SYNE1: variants seen among roughly 807,000 people sequenced by gnomAD.
SYNE1 encodes the protein spectrin repeat containing nuclear envelope protein 1.
SYNE1 carries 616 observed loss-of-function variants against 1,111.0 expected under a neutral mutation model. The observed-to-expected ratio is 0.55, with a 90% CI of 0.52 to 0.59. SYNE1 has a LOEUF of 0.59. Ranked by LOEUF, SYNE1 falls within the 20% of genes least tolerant of loss-of-function variation. The pLI, the probability that SYNE1 is intolerant of heterozygous loss-of-function variation, is 0.00. For missense variants in SYNE1, 10,006 were observed against 10,417.0 expected, an observed-to-expected ratio of 0.96 and a Z score of 1.72; for synonymous variants, 3,855 against 3,825.8, an observed-to-expected ratio of 1.01 and a Z score of -0.28.
chr6:152,296,551 C>T (rs1562866971), intron 93 of SYNE1, among the ~76,000 whole-genome samples: 1 of 152,202 alleles, frequency 6.6e-6, no homozygotes, highest in Admixed American at 6.5e-5. Context: ...GGAGTGCTAA[C>T]GATGCATATC....
intron 93 of SYNE1, among the ~76,000 whole-genome samples, chr6:152,297,267 G>GA (rs1172848235): frequency 1.3e-5 from 2 of 152,128 alleles, no homozygotes; most frequent in African/African-American, 4.8e-5. Flanking sequence ...TCTTCTGCCT[G>GA]AAAATCTTCA....
chr6:152,308,243 A>C (rs1400668670), intron 91 of SYNE1, among the ~76,000 whole-genome samples: 1 of 152,194 alleles, frequency 6.6e-6, no homozygotes, highest in East Asian at 1.9e-4. Context: ...GATGATAATC[A>C]GTGGGTCCCA....
At chr6:152,493,722 A>G (rs1429333777) in intron 11 of SYNE1, among the ~76,000 whole-genome samples, 2 of 152,024 alleles carry the variant, frequency 1.3e-5, no homozygotes, top group Non-Finnish European at 2.9e-5. Flanking sequence ...TCTTCATAAA[A>G]GCACATATGC....
rs764590049 is a variant in SYNE1, at chr6:152,416,873, T to G, written c.5564A>C (p.Glu1855Ala). 2 of 1,613,892 alleles carry G rather than the reference T, an allele frequency of 1.2e-6. No homozygotes were observed. Among genetic ancestry groups the G allele is most frequent in the Non-Finnish European group, 1.7e-6 (2 of 1,179,818 alleles). The change falls in exon 41 of 146, where the codon GAG becomes GCG. Residue 1855 changes from glutamate (E) to alanine (A), a missense_variant. Around this residue, in one of 7 missense-constraint regions of SYNE1, gnomAD observed 4,955 missense variants for 5,017.2 expected, o/e 0.99. Transcript: ENST00000367255. ...KAEDCFQLFEEASQVVERRQL... is the reference protein window; with the variant it reads ...KAEDCFQLFEAASQVVERRQL... ...CCGCCTCTCCACAACCTGGCTGGCCTCCTCAAACAGCTGGAAGCAGTCCTC... is the reference window on the plus strand; with the variant it reads ...CCGCCTCTCCACAACCTGGCTGGCCGCCTCAAACAGCTGGAAGCAGTCCTC...
rs1565299969 is a variant in SYNE1 at position 152,629,543 on chromosome 6, GA to G, written c.-223-990del. ...TTGCCGGGGGGGGGGGGGGGAGGGGGAGGGGAGGAGGGGGTGCAGTGGGCTT... is the reference window on the plus strand; with the variant it reads ...TTGCCGGGGGGGGGGGGGGGAGGGGGGGGGAGGAGGGGGTGCAGTGGGCTT... On this transcript the variant is annotated intron_variant, in intron 2 of 145. Transcript: ENST00000367255. Among the ~76,000 whole-genome samples, 826 of 100,950 alleles carry G rather than the reference GA, an allele frequency of 8.2e-3. 5 individuals carry two copies. Among genetic ancestry groups the G allele is most frequent in the Non-Finnish European group, 0.011 (549 of 47,894 alleles). The allele number at this position is 100,950 out of a possible 152,430, so 66.2% of individuals were successfully genotyped here. A position where few individuals can be genotyped will look rare whatever the true frequency, so the allele number is the denominator to read the frequency against.
intron 44 of SYNE1, among the ~76,000 whole-genome samples, chr6:152,407,919 G>T (rs931593685): frequency 4.6e-5 from 7 of 151,828 alleles, no homozygotes; most frequent in African/African-American, 1.7e-4. Flanking sequence ...TCGCCACCAC[G>T]CCCGGCTAAT....
chr6:152,564,203 T>A (rs561612258), intron 3 of SYNE1, among the ~76,000 whole-genome samples: 1 of 152,286 alleles, frequency 6.6e-6, no homozygotes, highest in Admixed American at 6.5e-5. Context: ...AAAACACGAA[T>A]CAGTTGTAGC....
At chr6:152,174,996 C>G (rs1393202715) in intron 130 of SYNE1, among the ~76,000 whole-genome samples, 1 of 152,188 alleles carries the variant, frequency 6.6e-6, no homozygotes, top group Non-Finnish European at 1.5e-5. Context: ...GAGTTTGAGA[C>G]TAGCCTGGCA....
chr6:152,553,563 G>T (rs1381646625), intron 3 of SYNE1, among the ~76,000 whole-genome samples: 1 of 151,980 alleles, frequency 6.6e-6, no homozygotes, highest in Non-Finnish European at 1.5e-5. Context: ...TCCTATCCAC[G>T]GACATCTTGA....
intron 98 of SYNE1, among the ~76,000 whole-genome samples, chr6:152,276,025 G>C (rs1200418968): frequency 7.2e-6 from 1 of 139,792 alleles, no homozygotes; most frequent in African/African-American, 2.7e-5. Flanking sequence ...ATAAATTCTC[G>C]ACTTCTTTTT....
At position 152,236,871 on chromosome 6, in the gene SYNE1, C is replaced by T. The variant is rs762729868; in HGVS notation, c.20145G>A (p.Val6715=). 1.2e-6 allele frequency: 2 copies of T among 1,614,202 alleles called. No homozygotes were observed. Among genetic ancestry groups the T allele is most frequent in the Non-Finnish European group, 1.7e-6 (2 of 1,180,030 alleles). The change falls in exon 109 of 146, where the codon GTG becomes GTA. Residue 6715 remains valine, a synonymous_variant. Coordinates refer to ENST00000367255, the MANE Select transcript of SYNE1 (RefSeq NM_182961.4). The part of the protein sequence containing the change: ...LEVVESSIPS[V]GLVEENEDRL... Reference sequence around the variant, plus strand: ...TGTCCTCGTTCTCCTCCACCAGACCCACGCTTGGGATGCTGCTTTCCACCA... The same window carrying T: ...TGTCCTCGTTCTCCTCCACCAGACCTACGCTTGGGATGCTGCTTTCCACCA...
Position 152,407,099 on chromosome 6 carries a change from G to A in SYNE1, c.6638C>T (p.Ser2213Leu), listed in dbSNP as rs1423079644. 1 of 1,613,852 alleles carries A rather than the reference G, an allele frequency of 6.2e-7. No individual in the cohort carries two copies. The highest frequency in any genetic ancestry group is 1.3e-5 in the African/African-American group (1 of 74,880). Residue 2213 changes from serine to leucine, a missense_variant, in exon 45 of 146, where the codon TCA (serine) becomes TTA (leucine). Ser to Leu is a moderately radical substitution (Grantham distance 145). Transcript: ENST00000367255. ...LSTRDEIEGW[S>L]NNCVPQMAEN... ...TGCCATCTGTGGAACGCAGTTGTTT[G>A]ACCATCCCTCAATCTCATCTCTAGT...
intron 102 of SYNE1, 76 bp from the exon 103 acceptor site, chr6:152,255,822 G>A (rs1046580490): frequency 1.2e-5 from 18 of 1,515,490 alleles, no homozygotes; most frequent in East Asian, 4.5e-5. Flanking sequence ...GGATGGGGCC[G>A]GTGCAGTGCT....
Position 152,384,472 on chromosome 6 carries a change from G to C in SYNE1, c.8652+1202C>G, listed in dbSNP as rs561357715. ...AAATGTATCAAAGAAGAATTTTAAA[G>C]AATAACACACAAAAAAAGGACTTAA... On this transcript the variant is annotated intron_variant, in intron 55 of 145. Coordinates refer to ENST00000367255, the MANE Select transcript of SYNE1 (RefSeq NM_182961.4). Among the ~76,000 whole-genome samples the C allele has an allele frequency of 2.6e-5, 4 of 152,172 alleles. No individual in the cohort carries two copies. The East Asian group carries it at 7.7e-4, about 29-fold the overall frequency.
At chr6:152,137,509 G>T (rs1033109469) in intron 140 of SYNE1, among the ~76,000 whole-genome samples, 2 of 152,184 alleles carry the variant, frequency 1.3e-5, no homozygotes, top group African/African-American at 4.8e-5. Context: ...AACCAGTTAG[G>T]TTTGATTTCA....
chr6:152,135,037 A>G, intron 142 of SYNE1, 67 bp downstream of exon 142: 3 of 1,609,560 alleles, frequency 1.9e-6, no homozygotes, highest in Non-Finnish European at 2.6e-6. Flanking sequence ...ACTTATATTC[A>G]TTTTCTGTAA....
intron 40 of SYNE1, among the ~76,000 whole-genome samples, chr6:152,417,781 A>C (rs2098185499): frequency 6.6e-6 from 1 of 152,028 alleles, no homozygotes; most frequent in African/African-American, 2.4e-5. Context: ...ATGTGAAAAA[A>C]TTTTAAATTT....
chr6:152,524,801 T>C (rs1321805011), intron 5 of SYNE1, among the ~76,000 whole-genome samples: 2 of 152,174 alleles, frequency 1.3e-5, no homozygotes, highest in African/African-American at 2.4e-5. Flanking sequence ...CTGATGACTC[T>C]ATGGGAACTC....
intron 14 of SYNE1, chr6:152,480,766 C>T (rs1447234495): frequency 4.4e-6 from 2 of 456,116 alleles, no homozygotes; most frequent in East Asian, 7.0e-5. Context: ...CTCTTTATTA[C>T]ATTCCTTAGT....
Sources: allele counts gnomAD v4.1 joint callset (sites outside exome capture counted in the v4.1 genomes callset), GRCh38; gene constraint gnomAD v4.1.1; regional missense constraint gnomAD v4.1.1; transcripts MANE v1.5; gene names NCBI Gene and HGNC (gene_info 2026-07-23, HGNC 2026-07-21).